Variants in COL4A1 observed in about 807,000 individuals in gnomAD.
COL4A1 encodes the protein collagen type IV alpha 1 chain, also known as collagen alpha-1(IV) chain.
COL4A1 carries 40 observed loss-of-function variants against 216.6 expected under a neutral mutation model. The observed-to-expected ratio is 0.18, with a 90% CI of 0.14 to 0.24. COL4A1 has a LOEUF of 0.24. Ranked by LOEUF, COL4A1 falls within the 10% of genes least tolerant of loss-of-function variation. The pLI, the probability that COL4A1 is intolerant of heterozygous loss-of-function variation, is 1.00. For synonymous variants in COL4A1, 839 were observed against 810.7 expected, an observed-to-expected ratio of 1.03 and a Z score of -0.59; for missense variants, 1,628 against 2,196.8, an observed-to-expected ratio of 0.74 and a Z score of 5.18.
rs759141642 is a variant in COL4A1, at chr13:110,152,335, T to G, written c.4927A>C (p.Lys1643Gln). 11 of 1,614,032 alleles carry G rather than the reference T, an allele frequency of 6.8e-6. No homozygotes were observed. Among genetic ancestry groups the G allele is most frequent in the Admixed American group, 1.7e-5 (1 of 60,004 alleles). Reference protein sequence around the residue: ...LATIERSEMFKKPTPSTLKAG... With the variant: ...LATIERSEMFQKPTPSTLKAG... Reference sequence around the variant, plus strand: ...CAAAAAAGCAGTGCTCCCACTTACTTGAACATCTCGCTCCTCTCTATGGTG... The same window carrying G: ...CAAAAAAGCAGTGCTCCCACTTACTGGAACATCTCGCTCCTCTCTATGGTG... The change falls in exon 51 of 52, where the codon AAG becomes CAG. Residue 1643 changes from lysine to glutamine, a missense_variant and splice_region_variant. Around this residue, in one of 8 missense-constraint regions of COL4A1, gnomAD observed 254 missense variants for 300.1 expected, o/e 0.85. Transcript: ENST00000375820.
chr13:110,168,709 A>G (rs1877457772), intron 43 of COL4A1, among the ~76,000 whole-genome samples: 1 of 152,198 alleles, frequency 6.6e-6, no homozygotes, highest in Non-Finnish European at 1.5e-5. Flanking sequence ...TTTAAGGGAG[A>G]ACATGTGTTG....
At position 110,170,691 on chromosome 13, in the gene COL4A1, G is replaced by A; in HGVS notation, c.3598C>T (p.Pro1200Ser). The change falls in exon 42 of 52, where the codon CCA becomes TCA. Residue 1200 changes from proline to serine, a missense_variant. Physicochemically the swap from Pro to Ser is moderately conservative, Grantham distance 74 (BLOSUM62 -1). Around this residue, in one of 8 missense-constraint regions of COL4A1, gnomAD observed 345 missense variants for 476.9 expected, o/e 0.72. Coordinates refer to ENST00000375820, the MANE Select transcript of COL4A1 (RefSeq NM_001845.6). ...TCTCCTTTGGATCCAGGAATTCCTGGGCTCCCGGCTAATCCTGGGAAACCC... is the reference window on the plus strand; with the variant it reads ...TCTCCTTTGGATCCAGGAATTCCTGAGCTCCCGGCTAATCCTGGGAAACCC... ...EVGFPGLAGS[P>S]GIPGSKGEQG... The A allele has an allele frequency of 1.2e-6, 2 of 1,614,208 alleles. No individual in the cohort carries two copies. The highest frequency in any genetic ancestry group is 1.7e-6 in the Non-Finnish European group (2 of 1,180,040).
intron 50 of COL4A1, among the ~76,000 whole-genome samples, chr13:110,153,606 T>G (rs1203688498): frequency 2.0e-5 from 3 of 152,202 alleles, no homozygotes; most frequent in African/African-American, 7.2e-5. Context: ...TCATTGTTAG[T>G]GTCCTGATTT....
chr13:110,192,898 C>T lies in COL4A1; in HGVS notation c.1397G>A (p.Ser466Asn), dbSNP rs778861332. ...TCCGTCTATATCACAGATGAGGCAA[C>T]TCTCTCCTTTTTGACCTAAAAAAGA... Reference protein sequence around the residue: ...EIGEKGQKGESCLICDIDGYR... With the variant: ...EIGEKGQKGENCLICDIDGYR... The change falls in exon 23 of 52, where the codon AGT becomes AAT. Residue 466 changes from serine (S) to asparagine (N), a missense_variant. Coordinates refer to ENST00000375820, the MANE Select transcript of COL4A1 (RefSeq NM_001845.6). The T allele has an allele frequency of 3.1e-6, 5 of 1,614,192 alleles. No homozygotes were observed. In the South Asian group the frequency reaches 5.5e-5, roughly 18 times the overall value.
chr13:110,282,897 C>T (rs1463436355), intron 1 of COL4A1, among the ~76,000 whole-genome samples: 4 of 152,190 alleles, frequency 2.6e-5, no homozygotes, highest in Non-Finnish European at 4.4e-5. Flanking sequence ...TTTGTTCTTT[C>T]GTGGCCATCG....
chr13:110,266,078 G>C (rs896265854), intron 1 of COL4A1: 1 of 152,238 alleles, frequency 6.6e-6, no homozygotes, highest in East Asian at 1.9e-4. Context: ...CAGGGGGACT[G>C]AGCCAGCAGC....
intron 24 of COL4A1, among the ~76,000 whole-genome samples, chr13:110,189,012 C>T (rs1489394019): frequency 1.3e-5 from 2 of 152,178 alleles, no homozygotes; most frequent in Non-Finnish European, 2.9e-5. Flanking sequence ...AATGCAGTTC[C>T]TCCATTACAG....
intron 1 of COL4A1, among the ~76,000 whole-genome samples, chr13:110,245,401 A>T (rs368396541): frequency 6.6e-6 from 1 of 152,204 alleles, no homozygotes; most frequent in East Asian, 1.9e-4. Flanking sequence ...AGGAAAACCC[A>T]CCAGGCTAAG....
chr13:110,173,791 G>T, intron 40 of COL4A1, 109 bp downstream of exon 40: 1 of 1,275,412 alleles, frequency 7.8e-7, no homozygotes, highest in Non-Finnish European at 1.1e-6. Flanking sequence ...GGGATGTGCA[G>T]TCTAGGGGCC....
Position 110,205,372 on chromosome 13 carries a change from A to C in COL4A1, c.938T>G (p.Ile313Arg). Residue 313 changes from isoleucine to arginine, a missense_variant, in exon 17 of 52, where the codon ATA (isoleucine) becomes AGA (arginine). By Grantham distance (97) the Ile-to-Arg change is moderately conservative. This residue lies in a region of COL4A1 where 701 missense variants were observed against 892.5 expected (regional missense o/e 0.79). Coordinates refer to ENST00000375820, the MANE Select transcript of COL4A1 (RefSeq NM_001845.6). Reference protein sequence around the residue: ...FPGEPGYPGLIGRQGPQGEKG... With the variant: ...FPGEPGYPGLRGRQGPQGEKG... ...GTTTACCTGCGGGCCCTGGCGGCCTATGAGTCCTGGGTACCCGGGTTCACC... is the reference window on the plus strand; with the variant it reads ...GTTTACCTGCGGGCCCTGGCGGCCTCTGAGTCCTGGGTACCCGGGTTCACC... 2 of 1,614,140 alleles carry C rather than the reference A, an allele frequency of 1.2e-6. No homozygotes were observed. Among genetic ancestry groups the C allele is most frequent in the Non-Finnish European group, 1.7e-6 (2 of 1,180,028 alleles).
At position 110,241,284 on chromosome 13, in the gene COL4A1, G is replaced by A. The variant is rs551597935; in HGVS notation, c.144+1391C>T. Among the ~76,000 whole-genome samples, 99 of 152,344 alleles carry A rather than the reference G, an allele frequency of 6.5e-4. 1 individual carries two copies. In the South Asian group the frequency reaches 0.02, roughly 30 times the overall value. On this transcript the variant is annotated intron_variant, in intron 2 of 51. Coordinates refer to ENST00000375820, the MANE Select transcript of COL4A1 (RefSeq NM_001845.6). ...TGGACAGAAGCAAATGGAAATGGAG[G>A]TGGACATCAACCCTGCTGTCCCTAG...
chr13:110,274,634 C>T (rs899229165), intron 1 of COL4A1, among the ~76,000 whole-genome samples: 1 of 152,176 alleles, frequency 6.6e-6, no homozygotes, highest in Non-Finnish European at 1.5e-5. Context: ...TCTCCAACCT[C>T]GTCACCGTTG....
Position 110,170,644 on chromosome 13 carries a change from C to T in COL4A1, c.3645G>A (p.Pro1215=), listed in dbSNP as rs765336200. 1.4e-5 allele frequency: 23 copies of T among 1,613,456 alleles called. No individual in the cohort carries two copies. The highest frequency in any genetic ancestry group is 7.7e-5 in the South Asian group (7 of 90,926). The part of the protein sequence containing the change: ...SKGEQGFMGP[P]GPQGQPGLPG... The stretch of plus-strand genomic sequence containing the variant: ...GTAACCCCGGCTGTCCCTGGGGCCC[C>T]GGAGGACCCATGAATCCTTGCTCTC... Residue 1215 remains proline (P), a synonymous_variant, in exon 42 of 52, where the codon CCG becomes CCA. Transcript: ENST00000375820.
intron 2 of COL4A1, among the ~76,000 whole-genome samples, chr13:110,227,383 G>GGT (rs1880781208): frequency 7.7e-6 from 1 of 130,060 alleles, no homozygotes; most frequent in East Asian, 2.3e-4. Flanking sequence ...GTATGGGTAC[G>GGT]GTAGACACAC....
intron 43 of COL4A1, 102 bp downstream of exon 43, chr13:110,169,519 CACACACAT>C: frequency 1.3e-6 from 2 of 1,545,462 alleles, no homozygotes; most frequent in African/African-American, 2.7e-5. Context: ...CACACACACA[CACACACAT>C]ATATATACAT....
At chr13:110,244,875 C>T (rs547799822) in intron 1 of COL4A1, among the ~76,000 whole-genome samples, 1 of 152,282 alleles carries the variant, frequency 6.6e-6, no homozygotes, top group African/African-American at 2.4e-5. Flanking sequence ...TAAACAATGA[C>T]ACATTATCAA....
At chr13:110,288,156 C>T (rs1440115088) in intron 1 of COL4A1, among the ~76,000 whole-genome samples, 5 of 150,958 alleles carry the variant, frequency 3.3e-5, no homozygotes, top group African/African-American at 9.8e-5. Context: ...CCCAGTTACT[C>T]GGGAGGCTAA....
intron 1 of COL4A1, among the ~76,000 whole-genome samples, chr13:110,246,858 T>G (rs1566410176): frequency 6.6e-6 from 1 of 152,182 alleles, no homozygotes; most frequent in Non-Finnish European, 1.5e-5. Context: ...GCCTGTGTTG[T>G]GCTCCTGTGA....
chr13:110,238,780 C>A (rs1039422977), intron 2 of COL4A1, among the ~76,000 whole-genome samples: 2 of 152,154 alleles, frequency 1.3e-5, no homozygotes, highest in Non-Finnish European at 2.9e-5. Context: ...CTTGTGTAAA[C>A]TCTATTTTAG....
Sources: allele counts gnomAD v4.1 joint callset (sites outside exome capture counted in the v4.1 genomes callset), GRCh38; gene constraint gnomAD v4.1.1; regional missense constraint gnomAD v4.1.1; transcripts MANE v1.5; gene names NCBI Gene and HGNC (gene_info 2026-07-23, HGNC 2026-07-21).